TTC13: variants seen among roughly 807,000 people sequenced by gnomAD.
The protein encoded by TTC13 is tetratricopeptide repeat protein 13.
A neutral mutation model predicts 120.0 loss-of-function variants in TTC13; 62 were observed. The observed-to-expected ratio is 0.52, with a 90% confidence interval of 0.42 to 0.64. The LOEUF is 0.64. TTC13 is among the 30% of genes least tolerant of loss of function. The probability of loss-of-function intolerance (pLI) is 0.00; values close to 1 mark genes in which losing one functional copy is unlikely to be tolerated. For missense variants in TTC13, 824 were observed against 1,050.2 expected, an observed-to-expected ratio of 0.78 and a Z score of 2.98; for synonymous variants, 384 against 393.5, an observed-to-expected ratio of 0.98 and a Z score of 0.28.
intron 2 of TTC13, 95 bp from the exon 3 acceptor site, chr1:230,958,394 G>A (rs1304786091): frequency 1.4e-6 from 2 of 1,393,800 alleles, no homozygotes; most frequent in African/African-American, 1.5e-5. Flanking sequence ...TAAAATTAAG[G>A]CTACATTTGA....
At chr1:230,945,913 C>T (rs1674947883) in intron 4 of TTC13, among the ~76,000 whole-genome samples, 1 of 152,228 alleles carries the variant, frequency 6.6e-6, no homozygotes, top group Admixed American at 6.5e-5. Context: ...TCAGTGCCAA[C>T]ACAATGACGA....
Position 230,924,931 on chromosome 1 carries a change from C to G in TTC13, c.1631G>C (p.Arg544Pro). ...AALEVMQAVQ[R>P]TWTNSKVRMN... ...TCGAACTTTCGAGTTGGTCCATGTACGCTGCACGGCTTGCATGACCTCCAA... is the reference window on the plus strand; with the variant it reads ...TCGAACTTTCGAGTTGGTCCATGTAGGCTGCACGGCTTGCATGACCTCCAA... Residue 544 changes from arginine (R) to proline (P), a missense_variant, in exon 14 of 23, where the codon CGT becomes CCT. Arg to Pro is a moderately radical substitution (Grantham distance 103, BLOSUM62 -2). This residue lies in a region of TTC13 where 430 missense variants were observed against 626.8 expected (regional missense o/e 0.69). Transcript: ENST00000366661. 2 of 1,614,216 alleles carry G rather than the reference C, an allele frequency of 1.2e-6. No individual in the cohort carries two copies. Among genetic ancestry groups the G allele is most frequent in the Non-Finnish European group, 1.7e-6 (2 of 1,180,044 alleles).
intron 1 of TTC13, among the ~76,000 whole-genome samples, chr1:230,977,691 C>A (rs11122173): frequency 0.33 from 49,820 of 151,994 alleles, 8,432 homozygotes; most frequent in Middle Eastern, 0.57. Context: ...CCCGGTCCTT[C>A]CCAAAGCAAG....
At position 230,919,002 on chromosome 1, in the gene TTC13, G is replaced by C. The variant is rs190710061; in HGVS notation, c.1983+1508C>G. Among the ~76,000 whole-genome samples, 412 of 152,306 alleles carry C rather than the reference G, an allele frequency of 2.7e-3. 3 individuals are homozygous for C. The highest frequency in any genetic ancestry group is 9.4e-3 in the African/African-American group (390 of 41,562). ...CAGTTTTACTCCTAGATGGAGGAAAGGTTCACACAGTTATAATTCTTAATG... is the reference window on the plus strand; with the variant it reads ...CAGTTTTACTCCTAGATGGAGGAAACGTTCACACAGTTATAATTCTTAATG... On this transcript the variant is annotated intron_variant, in intron 17 of 22. Transcript: ENST00000366661.
chr1:230,946,829 T>C (rs1675046288), intron 4 of TTC13, among the ~76,000 whole-genome samples: 1 of 152,166 alleles, frequency 6.6e-6, no homozygotes, highest in Admixed American at 6.5e-5. Context: ...TTATGAATTA[T>C]ATGTAACTGG....
intron 18 of TTC13, among the ~76,000 whole-genome samples, chr1:230,915,336 T>C (rs1163646682): frequency 1.4e-5 from 2 of 138,016 alleles, no homozygotes; most frequent in Non-Finnish European, 3.2e-5. Context: ...GCTATGCACC[T>C]GAATATGGGG....
Position 230,944,431 on chromosome 1 carries a change from A to G in TTC13, c.580-533T>C, listed in dbSNP as rs1674798590. Among the ~76,000 whole-genome samples, 1 of 152,226 alleles carries G rather than the reference A, an allele frequency of 6.6e-6. No individual in the cohort carries two copies. The highest frequency in any genetic ancestry group is 6.5e-5 in the Admixed American group (1 of 15,282). On this transcript the variant is annotated intron_variant, in intron 5 of 22. Coordinates refer to ENST00000366661, the MANE Select transcript of TTC13 (RefSeq NM_024525.5). This position sits in a 1 kb window ranked among gnomAD's most constrained non-coding sequence, Gnocchi z 4.0. ...ATTTAATCTCAAGATATATAATTTT[A>G]AAAGATGAGAATTAGGAAGAGGCAG...
In TTC13 at chr1:230,940,233, G is replaced by A. The variant is rs572110356; in HGVS notation, c.789+207C>T. 9.9e-5 allele frequency among the ~76,000 whole-genome samples: 15 copies of A among 152,226 alleles called. No homozygotes were observed. The East Asian group carries it at 2.5e-3, about 25-fold the overall frequency. On this transcript the variant is annotated intron_variant, in intron 7 of 22. Coordinates refer to ENST00000366661, the MANE Select transcript of TTC13 (RefSeq NM_024525.5). This position sits in a 1 kb window ranked among gnomAD's most constrained non-coding sequence, Gnocchi z 4.1. ...TGCCAGTCCAGAATTAGTTATTGCT[G>A]ACAGCTCAAACAAGAAAATGTTTTT...
chr1:230,921,584 T>C, intron 15 of TTC13, 80 bp from the exon 16 acceptor site: 1 of 760,100 alleles, frequency 1.3e-6, no homozygotes, highest in South Asian at 2.0e-5. Flanking sequence ...CAAAGTTAAT[T>C]TAAAAAAATA....
At chr1:230,946,343 A>C (rs1346498409) in intron 4 of TTC13, among the ~76,000 whole-genome samples, 1 of 152,248 alleles carries the variant, frequency 6.6e-6, no homozygotes, top group East Asian at 1.9e-4. Flanking sequence ...AGATTAATCT[A>C]CTGTTCAGTT....
rs1239358317 is a variant in TTC13, at chr1:230,944,167, A to T, written c.580-269T>A. ...CCACAGATGGCAGGATATTATCTAA[A>T]CTTAATCTACTTAAACATGGAATCA... On this transcript the variant is annotated intron_variant, in intron 5 of 22. Coordinates refer to ENST00000366661, the MANE Select transcript of TTC13 (RefSeq NM_024525.5). The surrounding 1 kb of genome is among the most constrained non-coding windows in gnomAD (Gnocchi z 4.0). 6.6e-6 allele frequency among the ~76,000 whole-genome samples: 1 copy of T among 152,164 alleles called. No individual in the cohort carries two copies. The highest frequency in any genetic ancestry group is 1.5e-5 in the Non-Finnish European group (1 of 68,034).
rs1674764281 is a variant in TTC13 at position 230,944,049 on chromosome 1, C to T, written c.580-151G>A. On this transcript the variant is annotated intron_variant, in intron 5 of 22. Coordinates refer to ENST00000366661, the MANE Select transcript of TTC13 (RefSeq NM_024525.5). This position sits in a 1 kb window ranked among gnomAD's most constrained non-coding sequence, Gnocchi z 4.0. ...CTTCTATGTAAGAGATGTGCCATGT[C>T]AAATCAGTCATGATATTATAATTAT... 1 of 448,820 alleles carries T rather than the reference C, an allele frequency of 2.2e-6. No individual in the cohort carries two copies. Among genetic ancestry groups the T allele is most frequent in the African/African-American group, 2.0e-5 (1 of 49,678 alleles). 27.8% of individuals were successfully genotyped at this position (448,820 alleles called of 1,614,324 possible).
chr1:230,975,374 T>C (rs1053038193), intron 1 of TTC13, among the ~76,000 whole-genome samples: 7 of 151,924 alleles, frequency 4.6e-5, no homozygotes, highest in Non-Finnish European at 1.0e-4. Context: ...ACCCTGTCTC[T>C]AAAAAAATAG....
chr1:230,977,605 T>C (rs1045974799), intron 1 of TTC13, among the ~76,000 whole-genome samples: 1 of 152,138 alleles, frequency 6.6e-6, no homozygotes, highest in African/African-American at 2.4e-5. Flanking sequence ...AAGGTATTGT[T>C]TTCCCAGGTA....
chr1:230,913,430 G>A (rs1671703398), intron 18 of TTC13, among the ~76,000 whole-genome samples: 1 of 152,162 alleles, frequency 6.6e-6, no homozygotes, highest in African/African-American at 2.4e-5. Context: ...CATGATCATA[G>A]CTCACTGCAG....
intron 1 of TTC13, among the ~76,000 whole-genome samples, chr1:230,969,302 A>G (rs970116684): frequency 3.9e-5 from 6 of 152,090 alleles, no homozygotes; most frequent in Non-Finnish European, 8.8e-5. Context: ...AAGCTTAAGA[A>G]GCTTACGTTT....
chr1:230,972,593 C>T (rs193277365), intron 1 of TTC13, among the ~76,000 whole-genome samples: 1 of 152,302 alleles, frequency 6.6e-6, no homozygotes, highest in African/African-American at 2.4e-5. Context: ...GCTAAACTGT[C>T]TGTACATTGA....
intron 1 of TTC13, among the ~76,000 whole-genome samples, chr1:230,969,243 C>T (rs1677472572): frequency 6.7e-6 from 1 of 148,648 alleles, no homozygotes; most frequent in Non-Finnish European, 1.5e-5. Context: ...GCCTGGGTGA[C>T]AAAGCGACAC....
intron 2 of TTC13, 99 bp from the exon 3 acceptor site, chr1:230,958,398 CA>C (rs1364957129): frequency 1.5e-6 from 2 of 1,371,482 alleles, no homozygotes; most frequent in Non-Finnish European, 1.9e-6. Flanking sequence ...ATTAAGGCTA[CA>C]TTTGATTTAA....
Sources: gnomAD v4.1 joint callset for allele counts (sites outside exome capture counted in the v4.1 genomes callset) on GRCh38, gnomAD v4.1.1 for gene constraint, gnomAD v4.1.1 regional missense constraint, Gnocchi (gnomAD v3.1) non-coding constraint, MANE v1.5 for transcripts, NCBI Gene and HGNC (gene_info 2026-07-23, HGNC 2026-07-21) for gene names.